FHIT: variants seen among roughly 807,000 people sequenced by gnomAD.
The protein encoded by FHIT is bis(5'-adenosyl)-triphosphatase.
A neutral mutation model predicts 17.9 loss-of-function variants in FHIT; 19 were observed. The ratio of observed to expected loss-of-function variants is 1.06; its 90% CI spans 0.74 to 1.56. The LOEUF (loss-of-function observed/expected upper bound fraction) is 1.56, where lower values mean the gene tolerates loss of function less well. Ranked by LOEUF, FHIT falls within the 40% of genes most tolerant of loss-of-function variation. FHIT has a pLI of 0.00. For synonymous variants in FHIT, 81 were observed against 69.7 expected (o/e 1.16, Z -0.81); for missense variants, 248 against 189.2 (o/e 1.31, Z -1.82).
chr3:60,186,693 G>GA (rs1381362122), intron 5 of FHIT, among the ~76,000 whole-genome samples: 1 of 152,112 alleles, frequency 6.6e-6, no homozygotes, highest in Non-Finnish European at 1.5e-5. Context: ...TAGTAACAAG[G>GA]AAAGACAGTG....
intron 3 of FHIT, among the ~76,000 whole-genome samples, chr3:60,993,153 T>C (rs1351435549): frequency 6.6e-6 from 1 of 152,202 alleles, no homozygotes; most frequent in African/African-American, 2.4e-5. Flanking sequence ...TCTGCATCTA[T>C]CTCAGTGAAA....
intron 5 of FHIT, among the ~76,000 whole-genome samples, chr3:60,300,432 A>G (rs946309884): frequency 6.6e-6 from 1 of 152,138 alleles, no homozygotes; most frequent in African/African-American, 2.4e-5. Context: ...AAAAGACTCA[A>G]GTTCTAATGG....
At chr3:59,753,209 A>G (rs1385139402) in intron 8 of FHIT, among the ~76,000 whole-genome samples, 14 of 152,276 alleles carry the variant, frequency 9.2e-5, no homozygotes, top group Non-Finnish European at 4.4e-5. Context: ...AAGGGCCATG[A>G]GAACTGAGTA....
chr3:59,986,748 ATAT>A (rs1708968837), intron 7 of FHIT, among the ~76,000 whole-genome samples: 1 of 15,050 alleles, frequency 6.6e-5, no homozygotes, highest in Non-Finnish European at 1.7e-4. Flanking sequence ...ACATATATTT[ATAT>A]ATATATAAAT....
intron 3 of FHIT, among the ~76,000 whole-genome samples, chr3:61,000,572 C>A (rs753076328): frequency 6.6e-6 from 1 of 152,010 alleles, no homozygotes; most frequent in Non-Finnish European, 1.5e-5. Flanking sequence ...TTTCTCTACT[C>A]CTTCCCTCTA....
At chr3:60,592,595 G>A (rs2038124528) in intron 4 of FHIT, among the ~76,000 whole-genome samples, 1 of 152,104 alleles carries the variant, frequency 6.6e-6, no homozygotes, top group South Asian at 2.1e-4. Flanking sequence ...TCACTGCCTG[G>A]GCAGCAGGAT....
At chr3:60,777,812 C>T (rs1700258680) in intron 4 of FHIT, among the ~76,000 whole-genome samples, 1 of 152,082 alleles carries the variant, frequency 6.6e-6, no homozygotes, top group Non-Finnish European at 1.5e-5. Context: ...GGTTTGTAAG[C>T]CATGACTCCC....
chr3:59,855,893 G>T (rs1379588642), intron 8 of FHIT, among the ~76,000 whole-genome samples: 1 of 150,778 alleles, frequency 6.6e-6, no homozygotes, highest in Non-Finnish European at 1.5e-5. Flanking sequence ...CCATTTTCCT[G>T]CCTCAGCCTC....
intron 5 of FHIT, among the ~76,000 whole-genome samples, chr3:60,305,055 C>G (rs1309858185): frequency 6.6e-6 from 1 of 152,094 alleles, no homozygotes; most frequent in African/African-American, 2.4e-5. Context: ...TCCTACCACT[C>G]GTGTCTGTAA....
chr3:60,709,584 A>G (rs1280346545), intron 4 of FHIT, among the ~76,000 whole-genome samples: 2 of 152,202 alleles, frequency 1.3e-5, no homozygotes, highest in Non-Finnish European at 2.9e-5. Context: ...ATTTTGTAAC[A>G]GTGCACATTG....
intron 3 of FHIT, among the ~76,000 whole-genome samples, chr3:60,975,569 T>C (rs1371311242): frequency 6.6e-6 from 1 of 152,178 alleles, no homozygotes; most frequent in East Asian, 1.9e-4. Context: ...ATGACAAGCT[T>C]GTTGGTTATG....
At chr3:60,329,010 C>T (rs1294290100) in intron 5 of FHIT, among the ~76,000 whole-genome samples, 4 of 152,318 alleles carry the variant, frequency 2.6e-5, no homozygotes, top group Middle Eastern at 6.8e-3. Context: ...TCTTTCATCC[C>T]AGCAACTTTA....
Position 60,804,602 on chromosome 3 carries a change from TATC to T in FHIT, c.-18+17314_-18+17316del, listed in dbSNP as rs1371160580. On this transcript the variant is annotated intron_variant, in intron 4 of 9. Coordinates refer to ENST00000492590, the MANE Select transcript of FHIT (RefSeq NM_002012.4). Reference sequence around the variant, plus strand: ...AATGTACATAGGACAATGCCTGACATATCATCACTCTGTTATGAAAGCTCTTTG... The same window carrying T: ...AATGTACATAGGACAATGCCTGACATATCACTCTGTTATGAAAGCTCTTTG... Among the ~76,000 whole-genome samples, 4 of 152,246 alleles carry T rather than the reference TATC, an allele frequency of 2.6e-5. No homozygotes were observed. In the East Asian group the frequency reaches 7.7e-4, roughly 29 times the overall value.
chr3:59,988,547 G>A (rs567720049), intron 7 of FHIT, among the ~76,000 whole-genome samples: 3 of 151,808 alleles, frequency 2.0e-5, no homozygotes, highest in Non-Finnish European at 4.4e-5. Flanking sequence ...ATTCACTCAG[G>A]TATTTTCTGA....
intron 5 of FHIT, among the ~76,000 whole-genome samples, chr3:60,268,216 C>A (rs185781147): frequency 5.1e-4 from 78 of 152,276 alleles, no homozygotes; most frequent in African/African-American, 1.8e-3. Context: ...GCATAATATT[C>A]TTATGCTGAA....
intron 8 of FHIT, among the ~76,000 whole-genome samples, chr3:59,897,613 A>G (rs1037295993): frequency 3.3e-5 from 5 of 152,186 alleles, no homozygotes; most frequent in Admixed American, 3.3e-4. Flanking sequence ...AGCCATCTTT[A>G]GACATGAACA....
intron 7 of FHIT, among the ~76,000 whole-genome samples, chr3:60,004,952 TAC>T (rs1268048905): frequency 6.6e-6 from 1 of 152,186 alleles, no homozygotes; most frequent in African/African-American, 2.4e-5. Flanking sequence ...AGAGACAGGA[TAC>T]TCTTAAGACC....
At chr3:60,291,666 T>C (rs1273723599) in intron 5 of FHIT, among the ~76,000 whole-genome samples, 5 of 152,182 alleles carry the variant, frequency 3.3e-5, no homozygotes, top group Non-Finnish European at 7.4e-5. Context: ...TGAGAACTCT[T>C]TTACCCTTAC....
chr3:60,801,218 G>C (rs549086665), intron 4 of FHIT, among the ~76,000 whole-genome samples: 9 of 152,122 alleles, frequency 5.9e-5, no homozygotes, highest in Non-Finnish European at 1.3e-4. Flanking sequence ...CACCAGTCAG[G>C]GGTTATTCCG....
Sources: gnomAD v4.1 joint callset for allele counts (sites outside exome capture counted in the v4.1 genomes callset) on GRCh38, gnomAD v4.1.1 for gene constraint, MANE v1.5 for transcripts, NCBI Gene and HGNC (gene_info 2026-07-23, HGNC 2026-07-21) for gene names.